The following SLC3A2 variants were observed in gnomAD, a reference collection of about 807,000 sequenced individuals.
The protein encoded by SLC3A2 is solute carrier family 3 member 2, also known as amino acid transporter heavy chain SLC3A2.
Under a neutral mutation model 48.5 loss-of-function variants are expected in SLC3A2, and 32 were observed. That is an observed-to-expected ratio of 0.66 (90% confidence interval 0.50 to 0.89). SLC3A2 has a LOEUF of 0.89. Ranked by LOEUF, SLC3A2 falls within the 40% of genes least tolerant of loss-of-function variation. The pLI is 0.00. For synonymous variants in SLC3A2, 277 were observed against 288.8 expected (o/e 0.96, Z 0.41); for missense variants, 587 against 680.7 (o/e 0.86, Z 1.53).
upstream of SLC3A2, chr11:62,880,411 G>A (rs940679956): frequency 6.6e-6 from 1 of 152,532 alleles, no homozygotes. Context: ...AAGTCCCAGA[G>A]GCCTGAGAGG....
intron 2 of SLC3A2, 116 bp from the exon 3 acceptor site, chr11:62,882,792 C>T (rs1182154087): frequency 8.9e-6 from 8 of 896,766 alleles, no homozygotes; most frequent in African/African-American, 1.6e-5. Context: ...GGTTCAAATT[C>T]AAGCTTTTGT....
intron 5 of SLC3A2, 24 bp downstream of exon 5, chr11:62,884,714 G>T: frequency 6.4e-7 from 1 of 1,562,784 alleles, no homozygotes; most frequent in South Asian, 1.2e-5. Flanking sequence ...CCATTCTGCT[G>T]ACTCAGCTCC....
upstream of SLC3A2, chr11:62,880,769 A>G (rs2085622110): frequency 1.8e-6 from 1 of 547,644 alleles, no homozygotes; most frequent in African/African-American, 1.9e-5. Context: ...GTACTGTCGG[A>G]GGCGTGTTCC....
At chr11:62,876,819 A>G, upstream of SLC3A2, 2 of 659,540 alleles carry the variant, frequency 3.0e-6, no homozygotes, top group Non-Finnish European at 4.2e-6. Context: ...CCAGGCTGAT[A>G]TTGAATTCCT....
chr11:62,873,208 G>C (rs2085535362), intron 1 of SLC3A2, among the ~76,000 whole-genome samples: 2 of 151,962 alleles, frequency 1.3e-5, no homozygotes, highest in South Asian at 4.2e-4. Context: ...ATTTTTTGTG[G>C]CCGGGCCTGG....
chr11:62,887,943 A>G (rs920927612), intron 7 of SLC3A2, 192 bp from the exon 8 acceptor site: 3 of 542,702 alleles, frequency 5.5e-6, no homozygotes, highest in Non-Finnish European at 1.0e-5. Context: ...TAGGGATGTA[A>G]CACTACACCC....
upstream of SLC3A2, among the ~76,000 whole-genome samples, chr11:62,877,837 T>C (rs1026493109): frequency 6.6e-6 from 1 of 152,206 alleles, no homozygotes; most frequent in African/African-American, 2.4e-5. Context: ...AGAGGCAAGC[T>C]GTTATCCTCT....
Position 62,884,813 on chromosome 11 carries a change from C to CTTTTTTTT in SLC3A2, c.818+151_818+158dup, listed in dbSNP as rs541507991. Reference sequence around the variant, plus strand: ...TTCTTTACCTTTATTCTTTCTTTAGCTTTTTTTTTTTTTTTTTTTTTTTTT... The same window carrying CTTTTTTTT: ...TTCTTTACCTTTATTCTTTCTTTAGCTTTTTTTTTTTTTTTTTTTTTTTTTTTTTTTTT... On this transcript the variant is annotated intron_variant, in intron 5 of 8. Transcript: ENST00000338663. 86 of 56,014 alleles carry CTTTTTTTT rather than the reference C, an allele frequency of 1.5e-3. 10 individuals are homozygous for CTTTTTTTT. Among genetic ancestry groups the CTTTTTTTT allele is most frequent in the African/African-American group, 3.7e-3 (28 of 7,640 alleles). 3.5% of individuals were successfully genotyped at this position (56,014 alleles called of 1,614,324 possible). A position where few individuals can be genotyped will look rare whatever the true frequency, so the allele number is the denominator to read the frequency against.
In SLC3A2 at chr11:62,888,792, C is replaced by A; in HGVS notation, c.*99C>A. 8.2e-7 allele frequency: 1 copy of A among 1,224,530 alleles called. No individual in the cohort carries two copies. The highest frequency in any genetic ancestry group is 1.1e-6 in the Non-Finnish European group (1 of 890,116). 75.9% of individuals were successfully genotyped at this position (1,224,530 alleles called of 1,614,324 possible). ...TTAAAAACAAACAAACAAACTGTTG[C>A]AGATTATGAGTGAACCCCCAAATAG... is the stretch of plus-strand genomic sequence containing the variant. On this transcript the variant is annotated 3_prime_UTR_variant, in exon 9 of 9. Coordinates refer to ENST00000338663, the MANE Select transcript of SLC3A2 (RefSeq NM_001013251.3).
chr11:62,865,561 CAAAA>C (rs35320203), intron 1 of SLC3A2, among the ~76,000 whole-genome samples: 1 of 86,870 alleles, frequency 1.2e-5, no homozygotes, highest in African/African-American at 5.2e-5. Context: ...GTCTCCCCCA[CAAAA>C]AAAAAAAAAA....
chr11:62,885,619 C>T lies in SLC3A2; in HGVS notation c.1143+11C>T. 7 of 1,613,720 alleles carry T rather than the reference C, an allele frequency of 4.3e-6. No individual in the cohort carries two copies. Among genetic ancestry groups the T allele is most frequent in the Non-Finnish European group, 5.9e-6 (7 of 1,179,732 alleles). ...GCCCTTCCTGGACAGGTACTGCTTG[C>T]TGTCTTTCTGTCACAGGGAGGTTGT... On this transcript the variant is annotated intron_variant, in intron 7 of 8. Coordinates refer to ENST00000338663, the MANE Select transcript of SLC3A2 (RefSeq NM_001013251.3).
chr11:62,871,426 G>C (rs1335743078), intron 1 of SLC3A2: 1 of 313,090 alleles, frequency 3.2e-6, no homozygotes, highest in Non-Finnish European at 5.6e-6. Flanking sequence ...TTTTAGTAGA[G>C]ACGGAGTTTT....
At chr11:62,858,746 A>C (rs79043865) in intron 1 of SLC3A2, among the ~76,000 whole-genome samples, 1 of 152,164 alleles carries the variant, frequency 6.6e-6, no homozygotes, top group Admixed American at 6.6e-5. Context: ...ACAAGACAAT[A>C]GTGGGGAGAG....
upstream of SLC3A2, among the ~76,000 whole-genome samples, chr11:62,878,173 A>G (rs549195259): frequency 6.6e-6 from 1 of 151,702 alleles, no homozygotes; most frequent in South Asian, 2.1e-4. Flanking sequence ...AAAAAAAAAC[A>G]AAAAACAAAA....
intron 1 of SLC3A2, among the ~76,000 whole-genome samples, chr11:62,864,090 C>T (rs1218965337): frequency 6.6e-6 from 1 of 152,178 alleles, no homozygotes; most frequent in Non-Finnish European, 1.5e-5. Flanking sequence ...ATGTGACAGA[C>T]ACCACACCCG....
At chr11:62,871,690 T>A in intron 1 of SLC3A2, 1 of 594,680 alleles carries the variant, frequency 1.7e-6, no homozygotes. Flanking sequence ...TTTTAGCAAA[T>A]AACATGCTTG....
intron 1 of SLC3A2, among the ~76,000 whole-genome samples, chr11:62,867,613 C>G (rs932690235): frequency 6.6e-6 from 1 of 152,034 alleles, no homozygotes; most frequent in Non-Finnish European, 1.5e-5. Context: ...CGTGAGCCAC[C>G]GTGCCCGGCT....
chr11:62,873,779 A>G (rs970100899), intron 1 of SLC3A2, among the ~76,000 whole-genome samples: 5 of 151,740 alleles, frequency 3.3e-5, no homozygotes, highest in African/African-American at 1.2e-4. Flanking sequence ...CTCATCAGTT[A>G]TTTGTTTTTT....
At chr11:62,865,373 C>T (rs1211331144) in intron 1 of SLC3A2, among the ~76,000 whole-genome samples, 2 of 151,778 alleles carry the variant, frequency 1.3e-5, no homozygotes, top group Admixed American at 6.6e-5. Context: ...GCCAATGTGG[C>T]GAAACCCCAT....
Sources: allele counts gnomAD v4.1 joint callset (sites outside exome capture counted in the v4.1 genomes callset), GRCh38; gene constraint gnomAD v4.1.1; transcripts MANE v1.5; gene names NCBI Gene and HGNC (gene_info 2026-07-23, HGNC 2026-07-21).